Variants in ABLIM1 observed in about 807,000 individuals in gnomAD.
ABLIM1 encodes the protein actin binding LIM protein 1, also known as actin-binding LIM protein 1.
A neutral mutation model predicts 107.0 loss-of-function variants in ABLIM1; 40 were observed. The ratio of observed to expected loss-of-function variants is 0.37; its 90% confidence interval spans 0.29 to 0.49. ABLIM1 has a LOEUF of 0.49. Ranked by LOEUF, ABLIM1 falls within the 20% of genes least tolerant of loss-of-function variation. The probability of loss-of-function intolerance (pLI) is 0.97; values close to 1 mark genes in which losing one functional copy is unlikely to be tolerated. For missense variants in ABLIM1, 857 were observed against 1,008.5 expected (o/e 0.85, Z 2.04); for synonymous variants, 357 against 357.3 (o/e 1.00, Z 0.01).
intron 3 of ABLIM1, among the ~76,000 whole-genome samples, chr10:114,572,257 G>C (rs993618693): frequency 6.6e-6 from 1 of 152,168 alleles, no homozygotes; most frequent in Non-Finnish European, 1.5e-5. Context: ...ATTAGGAAAC[G>C]TGAAACTCAC....
intron 2 of ABLIM1, among the ~76,000 whole-genome samples, chr10:114,588,757 G>A (rs767707752): frequency 4.6e-5 from 7 of 151,728 alleles, no homozygotes; most frequent in Non-Finnish European, 7.4e-5. Flanking sequence ...CACCAGCCTC[G>A]GCCTTCCAAA....
intron 1 of ABLIM1, among the ~76,000 whole-genome samples, chr10:114,643,340 C>T (rs1012257491): frequency 6.6e-6 from 1 of 152,134 alleles, no homozygotes; most frequent in African/African-American, 2.4e-5. Context: ...TAATGACTGG[C>T]ACCAGACTGT....
chr10:114,536,216 CTTCT>C (rs1366796609), intron 6 of ABLIM1, among the ~76,000 whole-genome samples: 2 of 127,372 alleles, frequency 1.6e-5, no homozygotes, highest in African/African-American at 3.2e-5. Flanking sequence ...TGTCTTTTTC[CTTCT>C]TTCTTTGTTT....
intron 1 of ABLIM1, among the ~76,000 whole-genome samples, chr10:114,665,087 G>A (rs1325715246): frequency 4.7e-5 from 7 of 149,164 alleles, no homozygotes; most frequent in African/African-American, 1.7e-4. Flanking sequence ...ACTGCACTCC[G>A]GCCTCGGCGA....
chr10:114,476,545 G>A (rs918674398), intron 8 of ABLIM1, among the ~76,000 whole-genome samples: 16 of 151,920 alleles, frequency 1.1e-4, no homozygotes, highest in Non-Finnish European at 1.6e-4. Flanking sequence ...TTGGGAGGCT[G>A]AGGTAGGAGA....
chr10:114,787,434 C>T, the ABLIM1 span, among the ~76,000 whole-genome samples: 1 of 150,988 alleles, frequency 6.6e-6, no homozygotes, highest in African/African-American at 2.4e-5. Context: ...CGGCCAGCCG[C>T]CCCATCCGGG....
intron 1 of ABLIM1, among the ~76,000 whole-genome samples, chr10:114,648,677 G>C (rs1014778440): frequency 1.3e-5 from 2 of 152,150 alleles, no homozygotes; most frequent in African/African-American, 4.8e-5. Flanking sequence ...GAATGTTATG[G>C]TGTACTACAT....
At chr10:114,441,986 G>A (rs2060262482) in intron 17 of ABLIM1, among the ~76,000 whole-genome samples, 200 bp from the exon 18 acceptor site, 1 of 151,926 alleles carries the variant, frequency 6.6e-6, no homozygotes, top group Non-Finnish European at 1.5e-5. Flanking sequence ...GGAAGGGAAA[G>A]TCAAGTCCAC....
At chr10:114,487,397 C>T (rs898499842) in intron 8 of ABLIM1, among the ~76,000 whole-genome samples, 1 of 152,202 alleles carries the variant, frequency 6.6e-6, no homozygotes, top group Non-Finnish European at 1.5e-5. Context: ...CTGTGTACAG[C>T]GCTTTGCTTC....
rs1157934168 is a variant in ABLIM1 at position 114,479,521 on chromosome 10, T to A, written c.1042-5565A>T. On this transcript the variant is annotated intron_variant, in intron 8 of 22. Coordinates refer to ENST00000533213, the MANE Select transcript of ABLIM1 (RefSeq NM_002313.7). ...TCCAAATGCTCTTGGAGACAGTGACTGTGTCTCCACTTTGGTAATTAATGC... is the reference window on the plus strand; with the variant it reads ...TCCAAATGCTCTTGGAGACAGTGACAGTGTCTCCACTTTGGTAATTAATGC... 3.3e-5 allele frequency among the ~76,000 whole-genome samples: 5 copies of A among 152,216 alleles called. No individual in the cohort carries two copies. In the East Asian group the frequency reaches 9.6e-4, roughly 29 times the overall value.
intron 1 of ABLIM1, among the ~76,000 whole-genome samples, chr10:114,653,606 T>A (rs1466243423): frequency 1.3e-5 from 2 of 152,202 alleles, no homozygotes; most frequent in East Asian, 3.8e-4. Context: ...AGGCCCTCAA[T>A]GAATGACAGC....
intron 1 of ABLIM1, among the ~76,000 whole-genome samples, chr10:114,645,943 T>C (rs2078994236): frequency 6.6e-6 from 1 of 152,246 alleles, no homozygotes; most frequent in African/African-American, 2.4e-5. Context: ...GCTCTCTTTT[T>C]ACCATTTTAA....
intron 1 of ABLIM1, among the ~76,000 whole-genome samples, chr10:114,670,917 G>A (rs549173143): frequency 4.6e-5 from 7 of 152,068 alleles, no homozygotes; most frequent in African/African-American, 9.7e-5. Context: ...TATTTTTAAC[G>A]TTAAATTTTT....
intron 6 of ABLIM1, among the ~76,000 whole-genome samples, chr10:114,499,137 C>T (rs1467582359): frequency 1.3e-5 from 2 of 152,122 alleles, no homozygotes; most frequent in Non-Finnish European, 2.9e-5. Context: ...AAACTACCTC[C>T]TAAAAGCACC....
At chr10:114,785,791 C>T in the ABLIM1 span, among the ~76,000 whole-genome samples, 36 of 152,294 alleles carry the variant, frequency 2.4e-4, no homozygotes, top group African/African-American at 8.4e-4. Context: ...TGCAGTGGCA[C>T]GATCTCAGCT....
chr10:114,566,490 A>G (rs562879743), intron 4 of ABLIM1, among the ~76,000 whole-genome samples: 37 of 152,308 alleles, frequency 2.4e-4, no homozygotes, highest in African/African-American at 8.7e-4. Flanking sequence ...AAGGGAGTGG[A>G]ATGAAGCTTT....
intron 12 of ABLIM1, among the ~76,000 whole-genome samples, chr10:114,462,343 C>T (rs986293305): frequency 6.6e-6 from 1 of 152,192 alleles, no homozygotes; most frequent in Admixed American, 6.5e-5. Flanking sequence ...ATTATGACCC[C>T]TTTGTAGCCT....
chr10:114,567,104 G>A (rs545954495), intron 4 of ABLIM1, among the ~76,000 whole-genome samples: 1 of 152,170 alleles, frequency 6.6e-6, no homozygotes, highest in Non-Finnish European at 1.5e-5. Flanking sequence ...TAACAGGGAG[G>A]CTGCTGTGCC....
intron 1 of ABLIM1, chr10:114,690,222 T>G: frequency 6.9e-7 from 1 of 1,456,864 alleles, no homozygotes; most frequent in Non-Finnish European, 9.6e-7. Flanking sequence ...CCCCGTGGCC[T>G]CCACAATATT....
Sources: allele counts gnomAD v4.1 joint callset (sites outside exome capture counted in the v4.1 genomes callset), GRCh38; gene constraint gnomAD v4.1.1; transcripts MANE v1.5; gene names NCBI Gene and HGNC (gene_info 2026-07-23, HGNC 2026-07-21).